The following C11orf65 variants were observed in gnomAD, a reference collection of about 807,000 sequenced individuals.
C11orf65 encodes protein MFI.
Under a neutral mutation model 35.3 loss-of-function variants are expected in C11orf65, and 38 were observed. The ratio of observed to expected loss-of-function variants is 1.08; its 90% CI spans 0.83 to 1.41. The LOEUF (loss-of-function observed/expected upper bound fraction) is 1.41, where lower values mean the gene tolerates loss of function less well. Ranked by LOEUF, C11orf65 falls within the 40% of genes most tolerant of loss-of-function variation. The pLI is 0.00. For synonymous variants in C11orf65, 105 were observed against 114.4 expected (o/e 0.92, Z 0.53); for missense variants, 370 against 367.1 (o/e 1.01, Z -0.06).
At chr11:108,336,655 C>G (rs964561305) in intron 2 of C11orf65, among the ~76,000 whole-genome samples, 1 of 152,134 alleles carries the variant, frequency 6.6e-6, no homozygotes, top group African/African-American at 2.4e-5. Flanking sequence ...TTCATACATG[C>G]GCAGGCAAAT....
At chr11:108,452,751 A>T (rs2093364970) in intron 2 of C11orf65, among the ~76,000 whole-genome samples, 1 of 152,158 alleles carries the variant, frequency 6.6e-6, no homozygotes, top group Non-Finnish European at 1.5e-5. Context: ...GAACCAACCC[A>T]AATGTCCATC....
chr11:108,368,212 A>AT (rs532373195), intron 2 of C11orf65: 3,251 of 190,070 alleles, frequency 0.017, 41 homozygotes, highest in Admixed American at 0.044. Flanking sequence ...ATTATAAAAG[A>AT]TTTTTTTTTT....
Position 108,315,880 on chromosome 11 carries a change from G to A in C11orf65, c.641-6809C>T, listed in dbSNP as rs35991214. ...GGAGCCAGATAGTTTGTATGGCTGT[G>A]GTGGAGGGAAGATGTTACAACCCAT... is the stretch of plus-strand genomic sequence containing the variant. On this transcript the variant is annotated intron_variant, in intron 6 of 6. Coordinates refer to the C11orf65 transcript ENST00000525729. 6.2e-7 allele frequency: 1 copy of A among 1,612,994 alleles called. No homozygotes were observed. Among genetic ancestry groups the A allele is most frequent in the Non-Finnish European group, 8.5e-7 (1 of 1,179,014 alleles).
intron 2 of C11orf65, chr11:108,355,058 T>A (rs2137366863): frequency 1.6e-6 from 1 of 606,594 alleles, no homozygotes; most frequent in East Asian, 2.8e-5. Context: ...GGTTTAGAAA[T>A]GCCTTCAGCC....
chr11:108,365,000 T>G lies in C11orf65; in HGVS notation c.226+28208A>C, dbSNP rs569796126. On this transcript the variant is annotated intron_variant, in intron 2 of 3. Coordinates refer to the C11orf65 transcript ENST00000524755. The stretch of plus-strand genomic sequence containing the variant: ...TCAACTACCATGTGACTGGCTTATT[T>G]GTATGATACTGGTTCTACTGTTTCT... The G allele has an allele frequency of 4.0e-5, 60 of 1,511,526 alleles. No individual in the cohort carries two copies. The South Asian group carries it at 6.3e-4, about 16-fold the overall frequency. The allele number at this position is 1,511,526 out of a possible 1,614,324, so 93.6% of individuals were successfully genotyped here.
At chr11:108,401,318 GA>G (rs200005038) in intron 6 of C11orf65, among the ~76,000 whole-genome samples, 71 of 145,318 alleles carry the variant, frequency 4.9e-4, no homozygotes, top group African/African-American at 1.0e-3. Flanking sequence ...ATTAAAAAAA[GA>G]AAAAAAAAAG....
At chr11:108,356,736 A>T (rs964875575) in intron 2 of C11orf65, among the ~76,000 whole-genome samples, 2 of 152,062 alleles carry the variant, frequency 1.3e-5, no homozygotes, top group African/African-American at 4.8e-5. Flanking sequence ...GGGCCTCAGA[A>T]ATCTTACTAG....
In C11orf65 at chr11:108,386,856, C is replaced by T. The variant is rs1477134772; in HGVS notation, c.732-881G>A. Among the ~76,000 whole-genome samples, 14 of 152,054 alleles carry T rather than the reference C, an allele frequency of 9.2e-5. No homozygotes were observed. In the East Asian group the frequency reaches 1.6e-3, roughly 17 times the overall value. ...CAGCACTCTGGAAGGCCGAGGTGGG[C>T]GGATCACAAGGTCAGGAGATCGAGA... On this transcript the variant is annotated intron_variant, in intron 7 of 8. Coordinates refer to ENST00000393084, the MANE Select transcript of C11orf65 (RefSeq NM_152587.5).
intron 2 of C11orf65, among the ~76,000 whole-genome samples, chr11:108,375,477 T>C (rs984895692): frequency 5.3e-5 from 8 of 150,596 alleles, no homozygotes; most frequent in Admixed American, 5.3e-4. Context: ...AAAGAGCTCC[T>C]GAAGGAAGCA....
exon 4 of C11orf65, chr11:108,331,425 G>T: frequency 6.2e-7 from 1 of 1,607,756 alleles, no homozygotes; most frequent in East Asian, 2.3e-5. Context: ...TTAATTTTGT[G>T]TCTTTTTTTT....
At chr11:108,371,909 G>A (rs1350306642) in intron 2 of C11orf65, among the ~76,000 whole-genome samples, 2 of 152,138 alleles carry the variant, frequency 1.3e-5, no homozygotes, top group African/African-American at 4.8e-5. Context: ...CTGTTTTTAT[G>A]TTTTGAGTAG....
At chr11:108,312,244 C>T (rs2084227386) in intron 6 of C11orf65, among the ~76,000 whole-genome samples, 1 of 152,124 alleles carries the variant, frequency 6.6e-6, no homozygotes, top group Admixed American at 6.5e-5. Context: ...TCACAAATTC[C>T]TTTTCCATCC....
chr11:108,343,098 T>C, intron 2 of C11orf65: 2 of 1,253,738 alleles, frequency 1.6e-6, no homozygotes, highest in Non-Finnish European at 2.3e-6. Context: ...TTGTCTTCTA[T>C]GGACAGAGAA....
At chr11:108,419,223 A>G (rs1294331411) in intron 3 of C11orf65, among the ~76,000 whole-genome samples, 1 of 152,230 alleles carries the variant, frequency 6.6e-6, no homozygotes, top group East Asian at 1.9e-4. Context: ...TTTATACCAA[A>G]TATTAGCAAA....
intron 8 of C11orf65, among the ~76,000 whole-genome samples, chr11:108,384,045 AGAGT>A (rs1306459780): frequency 1.3e-5 from 2 of 152,016 alleles, no homozygotes; most frequent in Non-Finnish European, 2.9e-5. Flanking sequence ...TATTTTTTGT[AGAGT>A]GAGAGTCTCT....
At chr11:108,356,969 G>C (rs1029635402) in intron 2 of C11orf65, among the ~76,000 whole-genome samples, 1 of 152,166 alleles carries the variant, frequency 6.6e-6, no homozygotes, top group Non-Finnish European at 1.5e-5. Flanking sequence ...GAACAGCTCC[G>C]GTATACAGCT....
downstream of C11orf65, among the ~76,000 whole-genome samples, chr11:108,378,461 A>G (rs1305758394): frequency 2.2e-5 from 3 of 134,708 alleles, no homozygotes; most frequent in African/African-American, 8.9e-5. Context: ...CCTTCCTTAC[A>G]CCTTATACAA....
intron 2 of C11orf65, among the ~76,000 whole-genome samples, chr11:108,341,321 TC>T (rs1162742476): frequency 6.6e-6 from 1 of 152,164 alleles, no homozygotes; most frequent in Non-Finnish European, 1.5e-5. Context: ...CAGAAAGGCC[TC>T]CGACCATGTT....
chr11:108,310,752 GC>G (rs1484861620), intron 6 of C11orf65, among the ~76,000 whole-genome samples: 1 of 151,834 alleles, frequency 6.6e-6, no homozygotes, highest in African/African-American at 2.4e-5. Flanking sequence ...ATCCAAAATG[GC>G]TATAATGTGA....
Sources: allele counts gnomAD v4.1 joint callset (sites outside exome capture counted in the v4.1 genomes callset), GRCh38; gene constraint gnomAD v4.1.1; transcripts MANE v1.5; gene names NCBI Gene and HGNC (gene_info 2026-07-23, HGNC 2026-07-21).